The following PALLD variants were observed in gnomAD, a reference collection of about 807,000 sequenced individuals.
The protein encoded by PALLD is palladin, cytoskeletal associated protein.
In PALLD, 61 loss-of-function variants were observed where a neutral mutation model predicts 123.5. The ratio of observed to expected loss-of-function variants is 0.49; its 90% CI spans 0.40 to 0.61. The LOEUF (loss-of-function observed/expected upper bound fraction) is 0.61. Ranked by LOEUF, PALLD falls within the 20% of genes least tolerant of loss-of-function variation. The probability of loss-of-function intolerance (pLI) is 0.00; values close to 1 mark genes in which losing one functional copy is unlikely to be tolerated. For missense variants in PALLD, 1,273 were observed against 1,377.0 expected, an observed-to-expected ratio of 0.92 and a Z score of 1.20; for synonymous variants, 465 against 496.4, an observed-to-expected ratio of 0.94 and a Z score of 0.84.
chr4:168,729,693 TA>T (rs979105779), intron 10 of PALLD, among the ~76,000 whole-genome samples: 1 of 152,168 alleles, frequency 6.6e-6, no homozygotes, highest in African/African-American at 2.4e-5. Flanking sequence ...AAGTGCCATA[TA>T]TTTCACTTTT....
chr4:168,878,955 G>A (rs889490808), intron 10 of PALLD, among the ~76,000 whole-genome samples: 3 of 152,118 alleles, frequency 2.0e-5, no homozygotes, highest in Admixed American at 2.0e-4. Flanking sequence ...TATACTTAGT[G>A]TTTTTGAAAA....
At chr4:168,686,328 T>G (rs2150105542) in intron 6 of PALLD, among the ~76,000 whole-genome samples, 1 of 152,302 alleles carries the variant, frequency 6.6e-6, no homozygotes, top group Admixed American at 6.5e-5. Flanking sequence ...ATCTAGGTTT[T>G]AAGCCCTGCA....
chr4:168,801,541 G>A (rs1467357476), intron 10 of PALLD, among the ~76,000 whole-genome samples: 1 of 152,184 alleles, frequency 6.6e-6, no homozygotes, highest in African/African-American at 2.4e-5. Flanking sequence ...GCCTCCCAAA[G>A]TGCTGGGATC....
chr4:168,904,695 T>C (rs1342403236), intron 15 of PALLD, among the ~76,000 whole-genome samples: 1 of 152,162 alleles, frequency 6.6e-6, no homozygotes, highest in Non-Finnish European at 1.5e-5. Context: ...AAAGGCATGG[T>C]AAAATGAGCA....
At chr4:168,661,068 C>A (rs28671133) in intron 2 of PALLD, among the ~76,000 whole-genome samples, 17,691 of 151,960 alleles carry the variant, frequency 0.12, 1,395 homozygotes, top group African/African-American at 0.23. Context: ...CCATGCCCGG[C>A]TAATTTTTGT....
intron 10 of PALLD, among the ~76,000 whole-genome samples, chr4:168,729,761 TAC>T (rs1786969239): frequency 6.6e-6 from 1 of 152,220 alleles, no homozygotes; most frequent in Admixed American, 6.5e-5. Context: ...AAAGAAAGGG[TAC>T]AGACCACATT....
chr4:168,511,390 T>C (rs1762517309), intron 1 of PALLD, 33 bp from the exon 2 acceptor site: 3 of 750,038 alleles, frequency 4.0e-6, no homozygotes, highest in Admixed American at 2.3e-5. Flanking sequence ...GAAAAAATCA[T>C]TGCTACTAAT....
rs575202570 is a variant in PALLD, at chr4:168,567,201, C to T, written c.908+54789C>T. On this transcript the variant is annotated intron_variant, in intron 2 of 21. Coordinates refer to ENST00000505667, the MANE Select transcript of PALLD (RefSeq NM_001166108.2). ...ATTTAGTTTAACTAAAAAGCTTCTG[C>T]ACAGCAAAAGAAGCAGTCAACAGAG... 2.1e-4 allele frequency among the ~76,000 whole-genome samples: 32 copies of T among 152,154 alleles called. No individual in the cohort carries two copies. The South Asian group carries it at 6.6e-3, about 32-fold the overall frequency.
At chr4:168,877,351 A>C (rs1751885976) in intron 10 of PALLD, among the ~76,000 whole-genome samples, 1 of 152,200 alleles carries the variant, frequency 6.6e-6, no homozygotes. Context: ...TTTACCAAAA[A>C]TTGGCTACGA....
chr4:168,893,437 G>A (rs1479729588), intron 11 of PALLD, among the ~76,000 whole-genome samples: 7 of 152,024 alleles, frequency 4.6e-5, no homozygotes, highest in Admixed American at 1.3e-4. Flanking sequence ...TTCACTTCCC[G>A]GTTTCAGCTG....
chr4:168,879,510 AAGG>A (rs1752326897), intron 10 of PALLD, among the ~76,000 whole-genome samples: 1 of 152,232 alleles, frequency 6.6e-6, no homozygotes, highest in Admixed American at 6.5e-5. Context: ...AAACAGTAAA[AAGG>A]AGAAGATCTT....
chr4:168,893,669 C>T (rs1207143347), intron 11 of PALLD, among the ~76,000 whole-genome samples: 1 of 152,160 alleles, frequency 6.6e-6, no homozygotes, highest in Non-Finnish European at 1.5e-5. Context: ...CTGAAAGTTC[C>T]TTCCAAACCT....
rs1279995146 is a variant in PALLD, at chr4:168,512,270, A to G, written c.766A>G (p.Lys256Glu). 6.2e-7 allele frequency: 1 copy of G among 1,614,076 alleles called. No homozygotes were observed. The highest frequency in any genetic ancestry group is 8.5e-7 in the Non-Finnish European group (1 of 1,180,010). The change falls in exon 2 of 22, where the codon AAG (lysine) becomes GAG (glutamate). Residue 256 changes from lysine (K) to glutamate (E), a missense_variant. Physicochemically the swap from Lys to Glu is moderately conservative, Grantham distance 56. Coordinates refer to ENST00000505667, the MANE Select transcript of PALLD (RefSeq NM_001166108.2). ...GGACTTGGCAGTGCCACACAACCGC[A>G]AGTCTCACCCACAGCCCCACAGCGC... ...NQDLAVPHNR[K>E]SHPQPHSALH...
intron 2 of PALLD, among the ~76,000 whole-genome samples, chr4:168,566,411 C>T (rs1452659027): frequency 6.6e-6 from 1 of 152,168 alleles, no homozygotes; most frequent in Non-Finnish European, 1.5e-5. Context: ...AATCCTCCTA[C>T]CTCAGCCTCC....
chr4:168,823,498 G>T (rs975833947), intron 10 of PALLD, among the ~76,000 whole-genome samples: 1 of 151,972 alleles, frequency 6.6e-6, no homozygotes, highest in African/African-American at 2.4e-5. Context: ...TGGGCAACGT[G>T]GTGAGACCCT....
chr4:168,845,627 TG>T (rs1412337032), intron 10 of PALLD, among the ~76,000 whole-genome samples: 65 of 152,204 alleles, frequency 4.3e-4, no homozygotes, highest in Non-Finnish European at 2.5e-4. Context: ...GTGTGGATTT[TG>T]GTATCCGAAG....
intron 10 of PALLD, chr4:168,864,558 A>G (rs949718878): frequency 2.0e-5 from 3 of 152,154 alleles, no homozygotes; most frequent in Admixed American, 6.5e-5. Context: ...TACTATACAT[A>G]CTTCAGTGGC....
chr4:168,671,518 A>G (rs2723708), intron 3 of PALLD, among the ~76,000 whole-genome samples: 80,805 of 152,010 alleles, frequency 0.53, 22,752 homozygotes, highest in African/African-American at 0.71. Flanking sequence ...TTGAAGGGAG[A>G]GTAAGGAAAC....
chr4:168,579,899 A>G (rs758160500), intron 2 of PALLD, among the ~76,000 whole-genome samples: 3 of 152,068 alleles, frequency 2.0e-5, no homozygotes, highest in Non-Finnish European at 4.4e-5. Context: ...TGGTGAGAAT[A>G]CTTCAGGTCT....
Sources: allele counts gnomAD v4.1 joint callset (sites outside exome capture counted in the v4.1 genomes callset), GRCh38; gene constraint gnomAD v4.1.1; transcripts MANE v1.5; gene names NCBI Gene and HGNC (gene_info 2026-07-23, HGNC 2026-07-21).